The following MUC4 variants were observed in gnomAD, a reference collection of about 807,000 sequenced individuals.
MUC4 encodes the protein mucin 4, cell surface associated.
MUC4 carries 202 observed loss-of-function variants against 257.9 expected under a neutral mutation model. That is an observed-to-expected ratio of 0.78 (90% confidence interval 0.70 to 0.88). The LOEUF is 0.88. Among genes scored for constraint, MUC4 ranks in the 40% least tolerant of loss-of-function variants. The pLI, the probability that MUC4 is intolerant of heterozygous loss-of-function variation, is 0.00. For synonymous variants in MUC4, 2,351 were observed against 2,757.1 expected, an observed-to-expected ratio of 0.85 and a Z score of 4.62; for missense variants, 5,976 against 6,513.7, an observed-to-expected ratio of 0.92 and a Z score of 2.84.
chr3:195,780,912 G>A lies in MUC4; in HGVS notation c.10668C>T (p.Thr3556=), dbSNP rs1553871587. ...STGDTTPLPV[T]DASSASTGQA... The stretch of plus-strand genomic sequence containing the variant: ...GACCTGTGGATGCCGAGGAAGCGTC[G>A]GTGACAGGAAGAGGGGTGGTGTCAC... The change falls in exon 2 of 25, where the codon ACC becomes ACT. Residue 3556 remains threonine, a synonymous_variant. Coordinates refer to ENST00000463781, the MANE Select transcript of MUC4 (RefSeq NM_018406.7). 3.8e-5 allele frequency: 57 copies of A among 1,509,724 alleles called. 7 individuals carry two copies. Among genetic ancestry groups the A allele is most frequent in the South Asian group, 4.8e-5 (4 of 83,354 alleles). The allele number at this position is 1,509,724 out of a possible 1,614,324, so 93.5% of individuals were successfully genotyped here.
rs980531880 is a variant in MUC4 at position 195,761,818 on chromosome 3, G to A, written c.14513-233C>T. ...TGGAGGAGGGCGGGAGGATGTGGGA[G>A]GCAAGAGGAAAGGGAGAAAGGATGG... On this transcript the variant is annotated intron_variant, in intron 14 of 24. Coordinates refer to ENST00000463781, the MANE Select transcript of MUC4 (RefSeq NM_018406.7). Among the ~76,000 whole-genome samples the A allele has an allele frequency of 4.6e-5, 7 of 152,194 alleles. 1 individual carries two copies. The highest frequency in any genetic ancestry group is 1.0e-4 in the Non-Finnish European group (7 of 68,026).
At chr3:195,754,155 C>G (rs1438377703) in intron 19 of MUC4, 58 bp downstream of exon 19, 8 of 1,566,446 alleles carry the variant, frequency 5.1e-6, no homozygotes, top group Non-Finnish European at 6.9e-6. Context: ...GCTGTCTACA[C>G]CCTTGAGCTA....
chr3:195,773,759 A>ACACCCTCTCCATCGCTCAGT (rs1723715659), intron 4 of MUC4, among the ~76,000 whole-genome samples: 1 of 151,936 alleles, frequency 6.6e-6, no homozygotes, highest in African/African-American at 2.4e-5. Context: ...GCAGGTGTGG[A>ACACCCTCTCCATCGCTCAGT]CACCCTCTCC....
At chr3:195,803,712 C>T (rs1735637472) in intron 1 of MUC4, among the ~76,000 whole-genome samples, 1 of 152,300 alleles carries the variant, frequency 6.6e-6, no homozygotes, top group East Asian at 1.9e-4. Context: ...TTTGAAGAGA[C>T]CGAGTGATAT....
At position 195,780,496 on chromosome 3, in the gene MUC4, G is replaced by A. The variant is rs1438012385; in HGVS notation, c.11084C>T (p.Thr3695Ile). The A allele has an allele frequency of 2.6e-6, 3 of 1,160,022 alleles. No homozygotes were observed. Among genetic ancestry groups the A allele is most frequent in the South Asian group, 3.7e-5 (2 of 53,440 alleles). 71.9% of individuals were successfully genotyped at this position (1,160,022 alleles called of 1,614,324 possible). A position where few individuals can be genotyped will look rare whatever the true frequency, so the allele number is the denominator to read the frequency against. The change falls in exon 2 of 25, where the codon ACC (threonine) becomes ATC (isoleucine). Residue 3695 changes from threonine (T) to isoleucine (I), a missense_variant. By Grantham distance (89) the Thr-to-Ile change is moderately conservative. Transcript: ENST00000463781. ...DTSSASTGQA[T>I]PLPVTIPSSS... ...GGAAGGGATGGTGACAGGAAGAGGG[G>A]TGGCCTGACCTGTGGATGCTGAGGA...
In MUC4 at chr3:195,755,426, G is replaced by C. The variant is rs1193569291; in HGVS notation, c.15169-1054C>G. Among the ~76,000 whole-genome samples the C allele has an allele frequency of 1.3e-5, 2 of 151,994 alleles. No individual in the cohort carries two copies. The highest frequency in any genetic ancestry group is 2.4e-5 in the African/African-American group (1 of 41,358). ...GCCCAGGCTGGTCTCAAAGTCCTGA[G>C]CTCAAGCAATCCGCCTGCCTCAGGC... On this transcript the variant is annotated intron_variant, in intron 18 of 24. Transcript: ENST00000463781. The surrounding 1 kb of genome is among the most constrained non-coding windows in gnomAD (Gnocchi z 5.0).
rs1441443975 is a variant in MUC4, at chr3:195,780,337, G to A, written c.11243C>T (p.Thr3748Ile). Residue 3748 changes from threonine (T) to isoleucine (I), a missense_variant, in exon 2 of 25, where the codon ACC becomes ATC. Physicochemically the swap from Thr to Ile is moderately conservative, Grantham distance 89. This residue lies in a region of MUC4 where 330 missense variants were observed against 262.0 expected (regional missense o/e 1.26). Transcript: ENST00000463781. Reference sequence around the variant, plus strand: ...ACCTGTGGATGCTGAGGAAGTGCTGGTGACAGGAAGAGGGGTGACGTGACC... The same window carrying A: ...ACCTGTGGATGCTGAGGAAGTGCTGATGACAGGAAGAGGGGTGACGTGACC... ...STGHVTPLPV[T>I]STSSASTGHA... is the part of the protein sequence containing the mutation. 2 of 1,530,986 alleles carry A rather than the reference G, an allele frequency of 1.3e-6. No homozygotes were observed. Among genetic ancestry groups the A allele is most frequent in the Non-Finnish European group, 1.8e-6 (2 of 1,134,390 alleles). 94.8% of individuals were successfully genotyped at this position (1,530,986 alleles called of 1,614,324 possible).
intron 7 of MUC4, among the ~76,000 whole-genome samples, chr3:195,767,567 C>CCACCACCATCATCACCATCACCATCAT (rs1560261811): frequency 9.2e-6 from 1 of 109,216 alleles, no homozygotes. Context: ...ACCATTGCCA[C>CCACCACCATCATCACCATCACCATCAT]CACCATCACC....
At position 195,783,896 on chromosome 3, in the gene MUC4, G is replaced by T. The variant is rs200958281; in HGVS notation, c.7684C>A (p.Pro2562Thr). 8.9e-6 allele frequency: 12 copies of T among 1,342,504 alleles called. No homozygotes were observed. The highest frequency in any genetic ancestry group is 1.2e-5 in the Non-Finnish European group (12 of 989,952). 83.2% of individuals were successfully genotyped at this position (1,342,504 alleles called of 1,614,324 possible). A position where few individuals can be genotyped will look rare whatever the true frequency, so the allele number is the denominator to read the frequency against. ...SASTGHATSLPVTDTSAASTG... is the reference protein window; with the variant it reads ...SASTGHATSLTVTDTSAASTG... ...GATGCTGCGGAAGTGTCGGTGACAG[G>T]AAGAGAGGTGGCGTGACCTGTGGAT... Residue 2562 changes from proline to threonine, a missense_variant, in exon 2 of 25, where the codon CCT becomes ACT. Pro to Thr is a conservative substitution (Grantham distance 38). Around this residue, in one of 44 missense-constraint regions of MUC4, gnomAD observed 135 missense variants for 114.7 expected, o/e 1.18. Coordinates refer to ENST00000463781, the MANE Select transcript of MUC4 (RefSeq NM_018406.7).
chr3:195,781,821 G>C lies in MUC4; in HGVS notation c.9759C>G (p.Asp3253Glu), dbSNP rs528841424. The change falls in exon 2 of 25, where the codon GAC (aspartate) becomes GAG (glutamate). Residue 3253 changes from aspartate to glutamate, a missense_variant. This residue lies in a region of MUC4 where 51 missense variants were observed against 66.9 expected (regional missense o/e 0.76). Transcript: ENST00000463781. Reference protein sequence around the residue: ...TGHATSLPVTDTSSASTGDTT... With the variant: ...TGHATSLPVTETSSASTGDTT... ...TGTCACCTGTGGATGCTGAGGAAGTGTCGGTGACAGGAAGAGAGGTGGCAT... is the reference window on the plus strand; with the variant it reads ...TGTCACCTGTGGATGCTGAGGAAGTCTCGGTGACAGGAAGAGAGGTGGCAT... The C allele has an allele frequency of 9.4e-3, 9,696 of 1,026,342 alleles. 1,502 individuals are homozygous for C. The African/African-American group carries it at 0.21, about 22-fold the overall frequency. The allele number at this position is 1,026,342 out of a possible 1,614,324, so 63.6% of individuals were successfully genotyped here.
In MUC4 at chr3:195,789,907, G is replaced by A. The variant is rs765609309; in HGVS notation, c.1673C>T (p.Thr558Ile). ...TTGTGTCTGGGCGCCTGCCCCTGTT[G>A]TTTTTGGGAGAGTTGTGCTGTGGGA... ...YSSHSTTLPK[T>I]TGAGAQTQWT... The change falls in exon 2 of 25, where the codon ACA becomes ATA. Residue 558 changes from threonine to isoleucine, a missense_variant. This residue lies in a region of MUC4 where 1,583 missense variants were observed against 1,257.4 expected (regional missense o/e 1.26). Coordinates refer to ENST00000463781, the MANE Select transcript of MUC4 (RefSeq NM_018406.7). 4 of 1,613,866 alleles carry A rather than the reference G, an allele frequency of 2.5e-6. No individual in the cohort carries two copies. The highest frequency in any genetic ancestry group is 1.3e-5 in the African/African-American group (1 of 74,906).
At chr3:195,763,701 C>T in intron 11 of MUC4, 60 bp from the exon 12 acceptor site, 1 of 1,406,540 alleles carries the variant, frequency 7.1e-7, no homozygotes, top group South Asian at 1.5e-5. Flanking sequence ...GCTGAGGTTC[C>T]TCACTGCAGT....
At chr3:195,765,472 A>C (rs771098695) in intron 8 of MUC4, 23 bp from the exon 9 acceptor site, 2 of 1,604,478 alleles carry the variant, frequency 1.2e-6, no homozygotes, top group Admixed American at 3.4e-5. Flanking sequence ...ATGGGGGGGA[A>C]AGGGCTTATC....
At chr3:195,774,448 C>A in intron 3 of MUC4, 143 bp from the exon 4 acceptor site, 4 of 1,000,362 alleles carry the variant, frequency 4.0e-6, no homozygotes, top group Non-Finnish European at 5.4e-6. Context: ...ATCTAGGGTG[C>A]TTCTCGCTCC....
intron 1 of MUC4, among the ~76,000 whole-genome samples, chr3:195,795,192 G>A (rs1236305274): frequency 2.9e-4 from 44 of 152,076 alleles, no homozygotes; most frequent in Non-Finnish European, 1.5e-5. Context: ...ACATAATTAA[G>A]AGCATTTGTC....
At position 195,748,832 on chromosome 3, in the gene MUC4, C is replaced by T; in HGVS notation, c.16034+70G>A. On this transcript the variant is annotated intron_variant, in intron 24 of 24. Coordinates refer to ENST00000463781, the MANE Select transcript of MUC4 (RefSeq NM_018406.7). The stretch of plus-strand genomic sequence containing the variant: ...CTCGAGCCATCCTAATTCCTGGACC[C>T]CTTGCAGTGTCTTGCCCAGCTTGGG... The T allele has an allele frequency of 4.1e-6, 6 of 1,466,638 alleles. No individual in the cohort carries two copies. The South Asian group carries it at 8.8e-5, about 22-fold the overall frequency. 90.9% of individuals were successfully genotyped at this position (1,466,638 alleles called of 1,614,324 possible).
chr3:195,811,701 C>T (rs779619042), intron 1 of MUC4, 35 bp downstream of exon 1: 54 of 1,606,304 alleles, frequency 3.4e-5, no homozygotes, highest in Middle Eastern at 1.6e-4. Context: ...AAGTGCTCCC[C>T]GCAGCCAGCC....
At chr3:195,775,500 C>T (rs201563285) in intron 3 of MUC4, among the ~76,000 whole-genome samples, 816 of 12,418 alleles carry the variant, frequency 0.066, 75 homozygotes, top group Middle Eastern at 0.32. Context: ...CCTTCCACAG[C>T]CATACCTTCC....
chr3:195,808,500 C>T (rs114194405), intron 1 of MUC4, among the ~76,000 whole-genome samples: 1,704 of 152,258 alleles, frequency 0.011, 31 homozygotes, highest in African/African-American at 0.039. Flanking sequence ...CCACCGCGCC[C>T]GGCCCTTTAT....
Sources: gnomAD v4.1 joint callset for allele counts (sites outside exome capture counted in the v4.1 genomes callset) on GRCh38, gnomAD v4.1.1 for gene constraint, gnomAD v4.1.1 regional missense constraint, Gnocchi (gnomAD v3.1) non-coding constraint, MANE v1.5 for transcripts, NCBI Gene and HGNC (gene_info 2026-07-23, HGNC 2026-07-21) for gene names.